Variants in FAT3 observed in about 807,000 individuals in gnomAD.
FAT3 encodes the protein FAT atypical cadherin 3, also known as protocadherin Fat 3.
In FAT3, 95 loss-of-function variants were observed where a neutral mutation model predicts 310.2. The observed-to-expected ratio is 0.31, with a 90% CI of 0.26 to 0.36. The LOEUF (loss-of-function observed/expected upper bound fraction) is 0.36. FAT3 is among the 10% of genes least tolerant of loss of function. The pLI is 1.00. For missense variants in FAT3, 5,408 were observed against 5,715.6 expected (o/e 0.95, Z 1.74); for synonymous variants, 2,314 against 2,192.9 (o/e 1.06, Z -1.54).
chr11:92,280,823 G>A (rs1946399976), intron 1 of FAT3, among the ~76,000 whole-genome samples: 2 of 152,258 alleles, frequency 1.3e-5, no homozygotes, highest in South Asian at 4.1e-4. Context: ...TTATCATGCT[G>A]TTTCATGAGA....
chr11:92,620,261 A>G (rs572285482), intron 3 of FAT3, among the ~76,000 whole-genome samples: 2 of 152,154 alleles, frequency 1.3e-5, no homozygotes, highest in Non-Finnish European at 2.9e-5. Context: ...GGATTGTTCT[A>G]TGGCCTAATA....
chr11:92,583,869 G>T (rs1024807802), intron 3 of FAT3, among the ~76,000 whole-genome samples: 1 of 146,712 alleles, frequency 6.8e-6, no homozygotes, highest in Admixed American at 6.7e-5. Flanking sequence ...TTCACATAGC[G>T]TATTAAAACG....
chr11:92,599,479 A>C (rs867622636), intron 3 of FAT3, among the ~76,000 whole-genome samples: 46 of 152,170 alleles, frequency 3.0e-4, no homozygotes, highest in African/African-American at 1.0e-3. Flanking sequence ...TCAAGACGAC[A>C]TTTAGGCAGA....
intron 4 of FAT3, among the ~76,000 whole-genome samples, chr11:92,752,237 ATT>A (rs1415423661): frequency 6.6e-6 from 1 of 152,220 alleles, no homozygotes; most frequent in Non-Finnish European, 1.5e-5. Context: ...AAGCAAACAG[ATT>A]TTGCCCTTGG....
At chr11:92,340,590 G>A (rs957696790) in intron 1 of FAT3, among the ~76,000 whole-genome samples, 4 of 152,176 alleles carry the variant, frequency 2.6e-5, no homozygotes, top group Admixed American at 6.5e-5. Flanking sequence ...AAAACAAGCT[G>A]ATTGTCCTTG....
intron 2 of FAT3, among the ~76,000 whole-genome samples, chr11:92,395,911 A>T (rs1418200280): frequency 6.6e-6 from 1 of 152,078 alleles, no homozygotes. Flanking sequence ...TTCCTTGGGC[A>T]TCCTTGGCTC....
chr11:92,696,703 G>C (rs1005769143), intron 3 of FAT3, among the ~76,000 whole-genome samples: 5 of 152,260 alleles, frequency 3.3e-5, no homozygotes, highest in African/African-American at 1.2e-4. Context: ...GGCCTTGAAG[G>C]TTTTGTCTTC....
At chr11:92,692,200 GGA>G (rs1223499256) in intron 3 of FAT3, among the ~76,000 whole-genome samples, 1 of 152,298 alleles carries the variant, frequency 6.6e-6, no homozygotes, top group South Asian at 2.1e-4. Flanking sequence ...AAAGGATGGA[GGA>G]GAGCATTCAG....
At chr11:92,247,575 T>C (rs1010943922) in intron 1 of FAT3, among the ~76,000 whole-genome samples, 1 of 152,040 alleles carries the variant, frequency 6.6e-6, no homozygotes. Context: ...CATTTTTCAA[T>C]TTCCTCTATA....
chr11:92,784,623 C>A (rs1431959352), intron 7 of FAT3, among the ~76,000 whole-genome samples: 1 of 152,136 alleles, frequency 6.6e-6, no homozygotes, highest in Non-Finnish European at 1.5e-5. Flanking sequence ...CATTGTACTT[C>A]TTTAGGCATT....
At chr11:92,408,496 A>C (rs904597247) in intron 2 of FAT3, among the ~76,000 whole-genome samples, 3 of 152,188 alleles carry the variant, frequency 2.0e-5, no homozygotes, top group African/African-American at 7.2e-5. Context: ...AGCAGTAATC[A>C]CAGCCTGGGT....
At chr11:92,876,797 A>C (rs991825705) in intron 22 of FAT3, among the ~76,000 whole-genome samples, 1 of 152,256 alleles carries the variant, frequency 6.6e-6, no homozygotes, top group East Asian at 1.9e-4. Context: ...CAAAACATCC[A>C]TAAGAGCATA....
intron 22 of FAT3, among the ~76,000 whole-genome samples, chr11:92,870,320 G>A (rs1416057728): frequency 6.6e-6 from 1 of 152,172 alleles, no homozygotes; most frequent in Non-Finnish European, 1.5e-5. Context: ...ACAGTCAGCA[G>A]GTTTGATCAG....
intron 1 of FAT3, among the ~76,000 whole-genome samples, chr11:92,296,477 G>C (rs1946852806): frequency 6.6e-6 from 1 of 152,080 alleles, no homozygotes; most frequent in Non-Finnish European, 1.5e-5. Context: ...TGCCATGGTA[G>C]CTGCCAGTGT....
chr11:92,281,174 G>A (rs1036333544), intron 1 of FAT3, among the ~76,000 whole-genome samples: 7 of 152,010 alleles, frequency 4.6e-5, no homozygotes, highest in African/African-American at 1.7e-4. Context: ...ACAAGAGTAT[G>A]AAACACAAAC....
chr11:92,499,443 C>A (rs1185715227), intron 2 of FAT3, among the ~76,000 whole-genome samples: 3 of 151,958 alleles, frequency 2.0e-5, no homozygotes, highest in Non-Finnish European at 4.4e-5. Context: ...ATAAATAGTA[C>A]CCAGTAGAGT....
At chr11:92,582,019 T>C (rs1332859078) in intron 3 of FAT3, among the ~76,000 whole-genome samples, 1 of 152,062 alleles carries the variant, frequency 6.6e-6, no homozygotes, top group Non-Finnish European at 1.5e-5. Flanking sequence ...GGTTATTTCC[T>C]GATGATATGC....
chr11:92,389,644 C>T (rs936531421), intron 2 of FAT3, among the ~76,000 whole-genome samples: 6 of 152,242 alleles, frequency 3.9e-5, no homozygotes, highest in Non-Finnish European at 5.9e-5. Context: ...ATGGATGTGG[C>T]TTATTTTTGG....
chr11:92,698,622 AC>A (rs1944009747), intron 4 of FAT3, among the ~76,000 whole-genome samples: 1 of 152,160 alleles, frequency 6.6e-6, no homozygotes, highest in Non-Finnish European at 1.5e-5. Context: ...ATCATACAAT[AC>A]TATGATAATC....
Sources: gnomAD v4.1 joint callset for allele counts (sites outside exome capture counted in the v4.1 genomes callset) on GRCh38, gnomAD v4.1.1 for gene constraint, MANE v1.5 for transcripts, NCBI Gene and HGNC (gene_info 2026-07-23, HGNC 2026-07-21) for gene names.